SVOP: variants seen among roughly 807,000 people sequenced by gnomAD.
SVOP encodes the protein SV2 related protein, also known as synaptic vesicle 2-related protein.
In SVOP, 17 loss-of-function variants were observed where a neutral mutation model predicts 69.1. The observed-to-expected ratio is 0.25, with a 90% confidence interval of 0.17 to 0.37. The LOEUF (loss-of-function observed/expected upper bound fraction) is 0.37. Among genes scored for constraint, SVOP ranks in the 10% least tolerant of loss-of-function variants. SVOP has a pLI of 1.00. For missense variants in SVOP, 435 were observed against 597.5 expected (o/e 0.73, Z 2.84); for synonymous variants, 238 against 238.6 (o/e 1.00, Z 0.02).
chr12:108,958,509 C>T (rs1372380962), intron 6 of SVOP, among the ~76,000 whole-genome samples: 1 of 152,072 alleles, frequency 6.6e-6, no homozygotes, highest in Non-Finnish European at 1.5e-5. Flanking sequence ...TGTGTGAGGA[C>T]AGTTTATGAT....
At chr12:108,980,439 TGAATAG>T (rs2040129126) in intron 2 of SVOP, among the ~76,000 whole-genome samples, 1 of 152,052 alleles carries the variant, frequency 6.6e-6, no homozygotes, top group African/African-American at 2.4e-5. Flanking sequence ...AATTCCAAAA[TGAATAG>T]TTAATTAAAA....
chr12:108,965,652 C>T lies in SVOP; in HGVS notation c.454-4605G>A, dbSNP rs375601131. The stretch of plus-strand genomic sequence containing the variant: ...CAGGATAAATAAAACACATCGGGGG[C>T]CATATTTGGCCTATGGGTTACCAGT... On this transcript the variant is annotated intron_variant, in intron 5 of 15. Transcript: ENST00000610966. 5.4e-3 allele frequency among the ~76,000 whole-genome samples: 821 copies of T among 152,072 alleles called. 8 individuals are homozygous for T. Among genetic ancestry groups the T allele is most frequent in the Middle Eastern group, 0.037 (11 of 294 alleles).
At chr12:108,943,584 A>G (rs1378319839) in intron 7 of SVOP, among the ~76,000 whole-genome samples, 3 of 130,042 alleles carry the variant, frequency 2.3e-5, no homozygotes, top group African/African-American at 8.7e-5. Context: ...GGCAACAGAG[A>G]GAAACTCTGT....
intron 1 of SVOP, among the ~76,000 whole-genome samples, chr12:108,997,445 G>T (rs983728558): frequency 6.6e-6 from 1 of 151,980 alleles, no homozygotes; most frequent in Non-Finnish European, 1.5e-5. Context: ...AGCTCGAACT[G>T]GGTGGAGCCC....
chr12:109,006,732 A>G (rs949192978), intron 1 of SVOP, among the ~76,000 whole-genome samples: 7 of 152,144 alleles, frequency 4.6e-5, no homozygotes, highest in African/African-American at 1.4e-4. Context: ...TGGGAGCTGG[A>G]TAAAGAAGGC....
At chr12:109,011,878 T>C (rs1183347311) in intron 1 of SVOP, among the ~76,000 whole-genome samples, 2 of 152,138 alleles carry the variant, frequency 1.3e-5, no homozygotes, top group Non-Finnish European at 2.9e-5. Flanking sequence ...CATGATCTCA[T>C]TTATATGTGG....
In SVOP at chr12:108,966,919, G is replaced by A. The variant is rs36142856; in HGVS notation, c.453+5486C>T. Among the ~76,000 whole-genome samples the A allele has an allele frequency of 5.5e-3, 833 of 150,228 alleles. 5 individuals are homozygous for A. Among genetic ancestry groups the A allele is most frequent in the South Asian group, 0.023 (110 of 4,788 alleles). ...TTTCAATGCTGGCATTGCCATTTAC[G>A]GACACCACAAGCTTGGCAGTGGTAT... On this transcript the variant is annotated intron_variant, in intron 5 of 15. Transcript: ENST00000610966.
At chr12:109,020,804 C>A (rs761416325) in intron 1 of SVOP, 30 bp downstream of exon 1, 17 of 466,990 alleles carry the variant, frequency 3.6e-5, no homozygotes, top group African/African-American at 3.1e-4. Context: ...GAAAGCCTGT[C>A]TGCCTCTTGC....
chr12:108,962,246 G>A (rs909605450), intron 5 of SVOP, among the ~76,000 whole-genome samples: 2 of 152,074 alleles, frequency 1.3e-5, no homozygotes, highest in African/African-American at 4.8e-5. Context: ...GCACAGATGT[G>A]TGCCACCATG....
chr12:108,990,370 A>G (rs141911895), intron 1 of SVOP, among the ~76,000 whole-genome samples: 182 of 152,246 alleles, frequency 1.2e-3, no homozygotes, highest in Middle Eastern at 6.8e-3. Context: ...AATCCAGTCT[A>G]TCATTGATGG....
At chr12:108,944,971 T>A (rs2039914143) in intron 7 of SVOP, 132 bp downstream of exon 7, 3 of 768,694 alleles carry the variant, frequency 3.9e-6, no homozygotes. Context: ...CTGATCCTTT[T>A]ACGTCTTTGC....
At chr12:108,956,674 C>T (rs918544897) in intron 6 of SVOP, among the ~76,000 whole-genome samples, 5 of 152,282 alleles carry the variant, frequency 3.3e-5, no homozygotes, top group Non-Finnish European at 7.4e-5. Flanking sequence ...TCTCAGTCAC[C>T]ACCATCACCT....
chr12:108,949,441 T>C (rs2039942833), intron 6 of SVOP, among the ~76,000 whole-genome samples: 1 of 152,116 alleles, frequency 6.6e-6, no homozygotes, highest in South Asian at 2.1e-4. Context: ...CTAATTTTTT[T>C]GTATTTTTAA....
intron 8 of SVOP, 137 bp downstream of exon 8, chr12:108,940,647 C>T: frequency 1.5e-6 from 2 of 1,328,430 alleles, no homozygotes; most frequent in East Asian, 2.6e-5. Context: ...CCATAGCTCC[C>T]TTGTCTCATT....
intron 8 of SVOP, among the ~76,000 whole-genome samples, chr12:108,939,607 G>GTA (rs1316016946): frequency 1.3e-5 from 2 of 152,208 alleles, no homozygotes; most frequent in East Asian, 3.8e-4. Context: ...TCTACTTGCT[G>GTA]TAGGCCCTTT....
chr12:108,965,108 C>A (rs2040037608), intron 5 of SVOP, among the ~76,000 whole-genome samples: 1 of 152,192 alleles, frequency 6.6e-6, no homozygotes, highest in African/African-American at 2.4e-5. Context: ...CCCTGGGCTA[C>A]CGTAAGGAAC....
At chr12:108,920,398 T>C (rs2039741007) in intron 12 of SVOP, among the ~76,000 whole-genome samples, 2 of 152,132 alleles carry the variant, frequency 1.3e-5, no homozygotes, top group South Asian at 4.1e-4. Flanking sequence ...GGGAACAGGA[T>C]GTCTGGGTTC....
chr12:108,935,657 ATGG>A (rs995441723), intron 10 of SVOP, among the ~76,000 whole-genome samples: 35 of 152,334 alleles, frequency 2.3e-4, no homozygotes, highest in Admixed American at 1.2e-3. Flanking sequence ...CCTTTGCTAA[ATGG>A]TGAATAGAAA....
In SVOP at chr12:109,017,370, C is replaced by T. The variant is rs960934263; in HGVS notation, c.35+3464G>A. Reference sequence around the variant, plus strand: ...CCCCATCCCCCTACCTAACCACCCCCATCCATGGAAAAATTGTCTTCCAAG... The same window carrying T: ...CCCCATCCCCCTACCTAACCACCCCTATCCATGGAAAAATTGTCTTCCAAG... On this transcript the variant is annotated intron_variant, in intron 1 of 15. Coordinates refer to ENST00000610966, the MANE Select transcript of SVOP (RefSeq NM_018711.5). 9.9e-5 allele frequency among the ~76,000 whole-genome samples: 15 copies of T among 152,172 alleles called. No homozygotes were observed. The East Asian group carries it at 1.2e-3, about 12-fold the overall frequency.
Sources: gnomAD v4.1 joint callset for allele counts (sites outside exome capture counted in the v4.1 genomes callset) on GRCh38, gnomAD v4.1.1 for gene constraint, MANE v1.5 for transcripts, NCBI Gene and HGNC (gene_info 2026-07-23, HGNC 2026-07-21) for gene names.